Variants in WDR33 observed in about 807,000 individuals in gnomAD.
WDR33 encodes the protein pre-mRNA 3' end processing protein WDR33.
In WDR33, 47 loss-of-function variants were observed where a neutral mutation model predicts 164.9. The observed-to-expected ratio is 0.29, with a 90% confidence interval of 0.23 to 0.36. The LOEUF (loss-of-function observed/expected upper bound fraction) is 0.36. Ranked by LOEUF, WDR33 falls within the 10% of genes least tolerant of loss-of-function variation. WDR33 has a pLI of 1.00. For missense variants in WDR33, 1,137 were observed against 1,754.1 expected (o/e 0.65, Z 6.28); for synonymous variants, 505 against 589.0 (o/e 0.86, Z 2.06).
intron 1 of WDR33, among the ~76,000 whole-genome samples, chr2:127,796,177 T>C (rs1184037647): frequency 1.3e-5 from 2 of 151,438 alleles, no homozygotes; most frequent in Non-Finnish European, 2.9e-5. Context: ...GCTCAAGTGA[T>C]CCTCCCACCT....
At chr2:127,798,100 G>A (rs1689102446) in intron 1 of WDR33, among the ~76,000 whole-genome samples, 1 of 152,008 alleles carries the variant, frequency 6.6e-6, no homozygotes, top group South Asian at 2.1e-4. Context: ...GGGCGTGGTG[G>A]CTCATGTCTG....
chr2:127,747,611 T>C (rs1573910676), intron 7 of WDR33, among the ~76,000 whole-genome samples: 2 of 152,294 alleles, frequency 1.3e-5, no homozygotes, highest in African/African-American at 2.4e-5. Flanking sequence ...GCAAAACTAG[T>C]GGTACTATCT....
chr2:127,761,042 C>T (rs1558941578), intron 7 of WDR33, among the ~76,000 whole-genome samples: 1 of 152,162 alleles, frequency 6.6e-6, no homozygotes, highest in Non-Finnish European at 1.5e-5. Context: ...CTTAATGAAA[C>T]ACATTCATTA....
chr2:127,744,565 C>T (rs1687114774), intron 7 of WDR33, among the ~76,000 whole-genome samples: 1 of 152,130 alleles, frequency 6.6e-6, no homozygotes, highest in African/African-American at 2.4e-5. Flanking sequence ...ATACACCAAG[C>T]TTCAACAGAA....
intron 7 of WDR33, chr2:127,736,632 C>A (rs1221333712): frequency 1.0e-6 from 1 of 985,210 alleles, no homozygotes; most frequent in Non-Finnish European, 1.2e-6. Flanking sequence ...AAAGGCTGAC[C>A]TAAAAGAAAC....
chr2:127,781,687 C>T (rs1187225987), intron 1 of WDR33, among the ~76,000 whole-genome samples: 2 of 152,058 alleles, frequency 1.3e-5, no homozygotes, highest in Admixed American at 1.3e-4. Flanking sequence ...GAGCAATTCA[C>T]TAGCTGGTTA....
intron 1 of WDR33, among the ~76,000 whole-genome samples, chr2:127,776,919 T>C (rs1688202459): frequency 6.6e-6 from 1 of 152,188 alleles, no homozygotes; most frequent in Admixed American, 6.5e-5. Flanking sequence ...ATAAAGGTAA[T>C]TAATGTGATT....
Position 127,764,524 on chromosome 2 carries a change from G to T in WDR33, c.626+304C>A. On this transcript the variant is annotated intron_variant, in intron 6 of 21. Coordinates refer to ENST00000322313, the MANE Select transcript of WDR33 (RefSeq NM_018383.5). The surrounding 1 kb of genome is among the most constrained non-coding windows in gnomAD (Gnocchi z 6.2). ...TGAAATATTCTTGTCTTACACAGTAGATAATAAAAAGGAATAACGTATACA... is the reference window on the plus strand; with the variant it reads ...TGAAATATTCTTGTCTTACACAGTATATAATAAAAAGGAATAACGTATACA... 6.6e-7 allele frequency: 1 copy of T among 1,523,418 alleles called. No individual in the cohort carries two copies. The highest frequency in any genetic ancestry group is 1.3e-5 in the South Asian group (1 of 77,392). 94.4% of individuals were successfully genotyped at this position (1,523,418 alleles called of 1,614,324 possible). A position where few individuals can be genotyped will look rare whatever the true frequency, so the allele number is the denominator to read the frequency against.
intron 7 of WDR33, chr2:127,737,342 C>G (rs1267116990): frequency 1.0e-6 from 1 of 985,218 alleles, no homozygotes; most frequent in East Asian, 1.1e-4. Context: ...AGAAAGAGTA[C>G]TCTGAGGTGT....
At chr2:127,804,802 A>C (rs1395620272) in intron 1 of WDR33, among the ~76,000 whole-genome samples, 1 of 152,232 alleles carries the variant, frequency 6.6e-6, no homozygotes, top group Non-Finnish European at 1.5e-5. Context: ...CTCAGCTAAT[A>C]ATCATCAATC....
intron 1 of WDR33, among the ~76,000 whole-genome samples, chr2:127,810,544 GC>G (rs780590462): frequency 7.2e-4 from 109 of 152,252 alleles, no homozygotes; most frequent in Admixed American, 1.2e-3. Flanking sequence ...TCAAGCTGTA[GC>G]CTCATCCTTA....
rs1287625788 is a variant in WDR33, at chr2:127,710,732, G to C, written c.3309-876C>G. Among the ~76,000 whole-genome samples, 2 of 152,058 alleles carry C rather than the reference G, an allele frequency of 1.3e-5. No individual in the cohort carries two copies. Among genetic ancestry groups the C allele is most frequent in the Non-Finnish European group, 2.9e-5 (2 of 68,006 alleles). On this transcript the variant is annotated intron_variant, in intron 18 of 21. Transcript: ENST00000322313. This position sits in a 1 kb window ranked among gnomAD's most constrained non-coding sequence, Gnocchi z 4.4. ...TGAGAGGCGGTGGCGCCACCCTGCA[G>C]GGCCCCTCTGCATGAGCTGCATGGC...
chr2:127,736,804 G>A (rs1686858972), intron 7 of WDR33: 3 of 985,160 alleles, frequency 3.0e-6, no homozygotes, highest in Non-Finnish European at 2.4e-6. Context: ...TATAAGTTTT[G>A]CTGAAACTTA....
In WDR33 at chr2:127,716,866, C is replaced by T. The variant is rs989765412; in HGVS notation, c.2869+289G>A. Reference sequence around the variant, plus strand: ...AACACACACTTGCACTCAGTGAGCACAGGAACCACCTGCATTGCCAACAGA... The same window carrying T: ...AACACACACTTGCACTCAGTGAGCATAGGAACCACCTGCATTGCCAACAGA... On this transcript the variant is annotated intron_variant, in intron 17 of 21. Transcript: ENST00000322313. This position sits in a 1 kb window ranked among gnomAD's most constrained non-coding sequence, Gnocchi z 4.5. Among the ~76,000 whole-genome samples the T allele has an allele frequency of 6.6e-6, 1 of 152,218 alleles. No homozygotes were observed. Among genetic ancestry groups the T allele is most frequent in the Non-Finnish European group, 1.5e-5 (1 of 68,030 alleles).
At chr2:127,737,268 T>C (rs1357133924) in intron 7 of WDR33, 1 of 985,290 alleles carries the variant, frequency 1.0e-6, no homozygotes, top group African/African-American at 1.7e-5. Context: ...ACATCAGCCA[T>C]TTGTCTGAGA....
chr2:127,707,655 A>G (rs1233826971), intron 21 of WDR33, among the ~76,000 whole-genome samples: 1 of 152,304 alleles, frequency 6.6e-6, no homozygotes, highest in East Asian at 1.9e-4. Context: ...ACATAAGGTA[A>G]TTTCTGAGGG....
In WDR33 at chr2:127,724,228, T is replaced by C. The variant is rs1360093438; in HGVS notation, c.1196+105A>G. On this transcript the variant is annotated intron_variant, in intron 11 of 21. Transcript: ENST00000322313. This position sits in a 1 kb window ranked among gnomAD's most constrained non-coding sequence, Gnocchi z 4.8. ...CTACAAAAATATTCCCAAGAATAAG[T>C]TGGAATATAAATTACTATATCAATC... 6.3e-6 allele frequency: 5 copies of C among 799,372 alleles called. No homozygotes were observed. Among genetic ancestry groups the C allele is most frequent in the South Asian group, 2.1e-5 (1 of 48,158 alleles). The allele number at this position is 799,372 out of a possible 1,614,324, so 49.5% of individuals were successfully genotyped here. A position where few individuals can be genotyped will look rare whatever the true frequency, so the allele number is the denominator to read the frequency against.
At chr2:127,711,749 C>CAGAG (rs1686169409) in intron 18 of WDR33, among the ~76,000 whole-genome samples, 2 of 79,812 alleles carry the variant, frequency 2.5e-5, no homozygotes, top group African/African-American at 1.6e-4. Context: ...ACCACATATA[C>CAGAG]AGATATATAT....
chr2:127,804,705 G>A (rs1020885482), intron 1 of WDR33, among the ~76,000 whole-genome samples: 3 of 152,108 alleles, frequency 2.0e-5, no homozygotes, highest in African/African-American at 7.2e-5. Flanking sequence ...ATTTAAACAC[G>A]AAAGGGGGAA....
Sources: gnomAD v4.1 joint callset for allele counts (sites outside exome capture counted in the v4.1 genomes callset) on GRCh38, gnomAD v4.1.1 for gene constraint, Gnocchi (gnomAD v3.1) non-coding constraint, MANE v1.5 for transcripts, NCBI Gene and HGNC (gene_info 2026-07-23, HGNC 2026-07-21) for gene names.